The following ZNF423 variants were observed in gnomAD, a reference collection of about 807,000 sequenced individuals.
ZNF423 encodes the protein Ebf-associated zinc finger protein.
A neutral mutation model predicts 95.8 loss-of-function variants in ZNF423; 12 were observed. The ratio of observed to expected loss-of-function variants is 0.13; its 90% confidence interval spans 0.08 to 0.20. The LOEUF (loss-of-function observed/expected upper bound fraction) is 0.20, where lower values mean the gene tolerates loss of function less well. Ranked by LOEUF, ZNF423 falls within the 10% of genes least tolerant of loss-of-function variation. The pLI is 1.00. For synonymous variants in ZNF423, 749 were observed against 711.9 expected (o/e 1.05, Z -0.83); for missense variants, 1,316 against 1,737.1 (o/e 0.76, Z 4.31).
intron 3 of ZNF423, among the ~76,000 whole-genome samples, chr16:49,720,819 C>T (rs1256012752): frequency 2.0e-5 from 3 of 152,228 alleles, no homozygotes; most frequent in African/African-American, 7.2e-5. Flanking sequence ...AGCCCCTCCC[C>T]AGCTCTCAGG....
intron 1 of ZNF423, among the ~76,000 whole-genome samples, chr16:49,797,919 G>T (rs1445572043): frequency 8.7e-6 from 1 of 115,234 alleles, no homozygotes; most frequent in East Asian, 2.6e-4. Flanking sequence ...TAAAGAAACC[G>T]ATTTTTTAGG....
intron 3 of ZNF423, among the ~76,000 whole-genome samples, chr16:49,681,910 C>A (rs2031373724): frequency 6.6e-6 from 1 of 152,112 alleles, no homozygotes; most frequent in Non-Finnish European, 1.5e-5. Flanking sequence ...GGACTACAGG[C>A]ACGCACCACC....
intron 3 of ZNF423, among the ~76,000 whole-genome samples, chr16:49,718,437 G>A (rs570124530): frequency 8.5e-5 from 13 of 152,218 alleles, no homozygotes; most frequent in Admixed American, 3.9e-4. Flanking sequence ...GAACGCACAC[G>A]TGCCAGGGGA....
In ZNF423 at chr16:49,532,073, C is replaced by A. The variant is rs1023808676; in HGVS notation, c.3602-6579G>T. On this transcript the variant is annotated intron_variant, in intron 5 of 7. Coordinates refer to ENST00000563137, the MANE Select transcript of ZNF423 (RefSeq NM_001379286.1). ...CTGTCCCACTGCTTTGACCAATATT[C>A]TATGTGGAAGGATCTCTTAAAAGGC... Among the ~76,000 whole-genome samples the A allele has an allele frequency of 3.3e-5, 5 of 152,196 alleles. No individual in the cohort carries two copies. The East Asian group carries it at 9.6e-4, about 29-fold the overall frequency.
intron 3 of ZNF423, among the ~76,000 whole-genome samples, chr16:49,667,750 G>C (rs1377084814): frequency 2.0e-5 from 3 of 152,192 alleles, no homozygotes; most frequent in Non-Finnish European, 4.4e-5. Context: ...GCCAGGTGTG[G>C]TGGTGCACAC....
At chr16:49,656,522 A>C (rs2029885765) in intron 3 of ZNF423, among the ~76,000 whole-genome samples, 1 of 151,856 alleles carries the variant, frequency 6.6e-6, no homozygotes, top group Non-Finnish European at 1.5e-5. Flanking sequence ...AAAAAAAAGA[A>C]AAAAAAAGGC....
intron 3 of ZNF423, among the ~76,000 whole-genome samples, chr16:49,694,548 C>T (rs2031899504): frequency 6.6e-6 from 1 of 152,224 alleles, no homozygotes; most frequent in South Asian, 2.1e-4. Flanking sequence ...ATCATGCCCC[C>T]CGCCCCTGTG....
intron 3 of ZNF423, among the ~76,000 whole-genome samples, chr16:49,646,538 G>C (rs958631333): frequency 4.1e-5 from 6 of 147,058 alleles, no homozygotes; most frequent in African/African-American, 1.5e-4. Flanking sequence ...GGCAGATCCA[G>C]TGGTTACTGT....
intron 2 of ZNF423, among the ~76,000 whole-genome samples, chr16:49,736,904 G>A (rs1367728450): frequency 2.0e-5 from 3 of 152,198 alleles, no homozygotes; most frequent in Non-Finnish European, 4.4e-5. Context: ...CTGCAGAAAC[G>A]CTGTGCAGCA....
chr16:49,684,736 C>T (rs917910570), intron 3 of ZNF423, among the ~76,000 whole-genome samples: 7 of 152,214 alleles, frequency 4.6e-5, no homozygotes, highest in Non-Finnish European at 1.0e-4. Context: ...TAAGCCCTCC[C>T]CTCAGCTTGA....
At position 49,601,768 on chromosome 16, in the gene ZNF423, G is replaced by A. The variant is rs549405448; in HGVS notation, c.3601+24402C>T. Among the ~76,000 whole-genome samples, 143 of 152,348 alleles carry A rather than the reference G, an allele frequency of 9.4e-4. 1 individual carries two copies. Among genetic ancestry groups the A allele is most frequent in the African/African-American group, 3.0e-3 (124 of 41,580 alleles). On this transcript the variant is annotated intron_variant, in intron 5 of 7. Transcript: ENST00000563137. ...CCCCTTGGCTTTGGGACCTGCAGGC[G>A]GTGCTCAGGAACACAGCCGCAGCTG...
At chr16:49,758,255 C>T (rs946901727) in intron 2 of ZNF423, among the ~76,000 whole-genome samples, 3 of 152,170 alleles carry the variant, frequency 2.0e-5, no homozygotes, top group Non-Finnish European at 2.9e-5. Flanking sequence ...TCTCCTGCCT[C>T]GGCCTCCCGA....
chr16:49,662,178 A>T (rs1191984638), intron 3 of ZNF423, among the ~76,000 whole-genome samples: 1 of 152,154 alleles, frequency 6.6e-6, no homozygotes, highest in Non-Finnish European at 1.5e-5. Flanking sequence ...TGCCAATGTC[A>T]TGTCATAAAG....
At chr16:49,531,982 C>T (rs781423786) in intron 5 of ZNF423, among the ~76,000 whole-genome samples, 9 of 152,138 alleles carry the variant, frequency 5.9e-5, no homozygotes, top group Admixed American at 2.0e-4. Flanking sequence ...CCACTGAGCG[C>T]GATACAAGGG....
At chr16:49,761,371 G>A (rs1386939897) in intron 2 of ZNF423, among the ~76,000 whole-genome samples, 1 of 152,200 alleles carries the variant, frequency 6.6e-6, no homozygotes, top group African/African-American at 2.4e-5. Context: ...CCATGCCACG[G>A]CAGGGCCTTC....
intron 3 of ZNF423, among the ~76,000 whole-genome samples, chr16:49,645,236 C>T (rs1170858277): frequency 6.6e-6 from 1 of 152,194 alleles, no homozygotes; most frequent in African/African-American, 2.4e-5. Context: ...GAATAGGAAT[C>T]ACTGTGGCCC....
chr16:49,840,593 C>T (rs531765425), intron 1 of ZNF423, among the ~76,000 whole-genome samples: 5 of 152,342 alleles, frequency 3.3e-5, no homozygotes, highest in African/African-American at 9.6e-5. Context: ...GTCTGAATCA[C>T]GCAAGCAATT....
At position 49,823,629 on chromosome 16, in the gene ZNF423, A is replaced by G. The variant is rs1381849354; in HGVS notation, c.40+32106T>C. 2.6e-5 allele frequency among the ~76,000 whole-genome samples: 4 copies of G among 152,282 alleles called. No individual in the cohort carries two copies. The East Asian group carries it at 7.7e-4, about 29-fold the overall frequency. On this transcript the variant is annotated intron_variant, in intron 1 of 7. Transcript: ENST00000563137. ...GCAACATTCCGAAAGGGAAAGAAAA[A>G]AGTTATAACTTGTTGGGGGAAAAAA... is the stretch of plus-strand genomic sequence containing the variant.
Position 49,817,660 on chromosome 16 carries a change from G to A in ZNF423, c.41-28114C>T, listed in dbSNP as rs117918000. Among the ~76,000 whole-genome samples, 13 of 152,240 alleles carry A rather than the reference G, an allele frequency of 8.5e-5. No individual in the cohort carries two copies. The East Asian group carries it at 2.5e-3, about 29-fold the overall frequency. On this transcript the variant is annotated intron_variant, in intron 1 of 7. Transcript: ENST00000563137. Reference sequence around the variant, plus strand: ...GCTCAGGCAGAGCTGAGACCCTGAAGGTAGGAGAAATGGGGACAGTGCAGT... The same window carrying A: ...GCTCAGGCAGAGCTGAGACCCTGAAAGTAGGAGAAATGGGGACAGTGCAGT...
Sources: allele counts gnomAD v4.1 joint callset (sites outside exome capture counted in the v4.1 genomes callset), GRCh38; gene constraint gnomAD v4.1.1; transcripts MANE v1.5; gene names NCBI Gene and HGNC (gene_info 2026-07-23, HGNC 2026-07-21).